NEMP2: variants seen among roughly 807,000 people sequenced by gnomAD.
NEMP2 encodes the protein UPF0571 transmembrane protein.
In NEMP2, 53 loss-of-function variants were observed where a neutral mutation model predicts 54.2. The ratio of observed to expected loss-of-function variants is 0.98; its 90% CI spans 0.78 to 1.23. NEMP2 has a LOEUF of 1.23. NEMP2 is among the 50% of genes most tolerant of loss of function. NEMP2 has a pLI of 0.00. For missense variants in NEMP2, 455 were observed against 511.3 expected, an observed-to-expected ratio of 0.89 and a Z score of 1.06; for synonymous variants, 197 against 190.3, an observed-to-expected ratio of 1.04 and a Z score of -0.29.
chr2:190,572,294 T>C, the NEMP2 span, among the ~76,000 whole-genome samples: 1 of 152,224 alleles, frequency 6.6e-6, no homozygotes. Flanking sequence ...AACTTGTGAC[T>C]TTCATCTTTG....
chr2:190,450,589 C>T, the NEMP2 span, among the ~76,000 whole-genome samples: 173 of 136,890 alleles, frequency 1.3e-3, 1 homozygote, highest in South Asian at 2.4e-3. Context: ...ACACCTTGGG[C>T]TCAGATGATA....
chr2:190,552,100 A>G, the NEMP2 span, among the ~76,000 whole-genome samples: 5 of 152,180 alleles, frequency 3.3e-5, no homozygotes, highest in African/African-American at 7.2e-5. Context: ...TTGCACTCAC[A>G]ACTTGTGGGT....
chr2:190,555,205 G>T, the NEMP2 span, among the ~76,000 whole-genome samples: 1 of 152,142 alleles, frequency 6.6e-6, no homozygotes, highest in Non-Finnish European at 1.5e-5. The surrounding 1 kb of genome is among the most constrained non-coding windows in gnomAD (Gnocchi z 4.8). Context: ...AATCCACAAA[G>T]ATGGGGAAAA....
the NEMP2 span, chr2:190,436,805 C>T: frequency 6.2e-7 from 1 of 1,614,228 alleles, no homozygotes; most frequent in Non-Finnish European, 8.5e-7. The surrounding 1 kb of genome is among the most constrained non-coding windows in gnomAD (Gnocchi z 5.3). Context: ...ACCAAGGAGA[C>T]AACCACTGTT....
intron 1 of NEMP2, among the ~76,000 whole-genome samples, chr2:190,526,399 T>G (rs922042304): frequency 2.0e-5 from 3 of 152,208 alleles, no homozygotes; most frequent in African/African-American, 7.2e-5. Context: ...AGAATAGATC[T>G]ACACCAACAA....
the NEMP2 span, among the ~76,000 whole-genome samples, chr2:190,636,003 C>A: frequency 1.3e-5 from 2 of 152,292 alleles, no homozygotes; most frequent in East Asian, 1.9e-4. Flanking sequence ...CTAGGTGGAA[C>A]CACAGGCGTG....
Position 190,525,818 on chromosome 2 carries a change from T to C in NEMP2, c.98-440A>G, listed in dbSNP as rs369697468. On this transcript the variant is annotated intron_variant, in intron 1 of 8. Transcript: ENST00000409150. The surrounding 1 kb of genome is among the most constrained non-coding windows in gnomAD (Gnocchi z 5.0). ...ATGGAATTAATTCAGTTTAGAGATATTGGATTCTTATATTGGTAAGGGAGC... is the reference window on the plus strand; with the variant it reads ...ATGGAATTAATTCAGTTTAGAGATACTGGATTCTTATATTGGTAAGGGAGC... Among the ~76,000 whole-genome samples, 19 of 152,032 alleles carry C rather than the reference T, an allele frequency of 1.2e-4. No homozygotes were observed. Among genetic ancestry groups the C allele is most frequent in the Non-Finnish European group, 2.1e-4 (14 of 67,982 alleles).
the NEMP2 span, among the ~76,000 whole-genome samples, chr2:190,624,354 T>A: frequency 2.0e-5 from 3 of 152,206 alleles, no homozygotes; most frequent in African/African-American, 7.2e-5. Flanking sequence ...TTGATAGGAA[T>A]GTTAGTATAG....
the NEMP2 span, chr2:190,497,916 C>G: frequency 5.2e-6 from 3 of 578,270 alleles, no homozygotes. The surrounding 1 kb of genome is among the most constrained non-coding windows in gnomAD (Gnocchi z 5.2). Context: ...AGAGAATATT[C>G]TGCCTTATGG....
chr2:190,558,447 G>GT, the NEMP2 span, among the ~76,000 whole-genome samples: 1 of 152,142 alleles, frequency 6.6e-6, no homozygotes, highest in African/African-American at 2.4e-5. This position sits in a 1 kb window ranked among gnomAD's most constrained non-coding sequence, Gnocchi z 4.4. Context: ...TTGTGCACAT[G>GT]TACCCCAGAA....
At chr2:190,437,997 G>C in the NEMP2 span, among the ~76,000 whole-genome samples, 1 of 151,524 alleles carries the variant, frequency 6.6e-6, no homozygotes, top group South Asian at 2.1e-4. The surrounding 1 kb of genome is among the most constrained non-coding windows in gnomAD (Gnocchi z 5.9). Context: ...GACATAGATA[G>C]AGCCTGAATA....
At chr2:190,433,756 C>T in the NEMP2 span, among the ~76,000 whole-genome samples, 1 of 152,104 alleles carries the variant, frequency 6.6e-6, no homozygotes, top group Non-Finnish European at 1.5e-5. This position sits in a 1 kb window ranked among gnomAD's most constrained non-coding sequence, Gnocchi z 4.5. Context: ...CATTGTCTAC[C>T]TAGGAGCTTT....
At chr2:190,641,251 T>C in the NEMP2 span, 1 of 152,274 alleles carries the variant, frequency 6.6e-6, no homozygotes, top group African/African-American at 2.4e-5. Flanking sequence ...TCCATCCTCT[T>C]TCCCCACTTC....
At chr2:190,636,881 C>G in the NEMP2 span, among the ~76,000 whole-genome samples, 1 of 152,232 alleles carries the variant, frequency 6.6e-6, no homozygotes, top group Non-Finnish European at 1.5e-5. Context: ...CAACTTCTTC[C>G]TCCCCCTTTA....
the NEMP2 span, among the ~76,000 whole-genome samples, chr2:190,485,884 A>G: frequency 2.6e-5 from 4 of 152,210 alleles, no homozygotes; most frequent in African/African-American, 9.6e-5. This position sits in a 1 kb window ranked among gnomAD's most constrained non-coding sequence, Gnocchi z 5.1. Flanking sequence ...TTCTTAGTCA[A>G]CTGTGAGGCA....
the NEMP2 span, among the ~76,000 whole-genome samples, chr2:190,589,786 T>C: frequency 6.6e-6 from 1 of 152,180 alleles, no homozygotes; most frequent in Admixed American, 6.5e-5. The surrounding 1 kb of genome is among the most constrained non-coding windows in gnomAD (Gnocchi z 4.3). Context: ...CCCTGTTATA[T>C]TTTTTACTGA....
chr2:190,526,366 CT>C (rs1690935766), intron 1 of NEMP2, among the ~76,000 whole-genome samples: 1 of 151,808 alleles, frequency 6.6e-6, no homozygotes, highest in Non-Finnish European at 1.5e-5. Flanking sequence ...CTTCCAGGCA[CT>C]AAGCGGGGAA....
chr2:190,484,956 T>G, the NEMP2 span, among the ~76,000 whole-genome samples: 133,769 of 152,076 alleles, frequency 0.88, 59,642 homozygotes, highest in East Asian at 1. Flanking sequence ...TTCACTTAAT[T>G]CCCTGAGTTA....
chr2:190,480,801 G>C, the NEMP2 span, among the ~76,000 whole-genome samples: 1 of 152,156 alleles, frequency 6.6e-6, no homozygotes, highest in African/African-American at 2.4e-5. Context: ...TCCATGCAAA[G>C]TATTTAGCAC....
Sources: gnomAD v4.1 joint callset for allele counts (sites outside exome capture counted in the v4.1 genomes callset) on GRCh38, gnomAD v4.1.1 for gene constraint, Gnocchi (gnomAD v3.1) non-coding constraint, MANE v1.5 for transcripts, NCBI Gene and HGNC (gene_info 2026-07-23, HGNC 2026-07-21) for gene names.